Variants in APBA2 observed in about 807,000 individuals in gnomAD.
The protein encoded by APBA2 is amyloid beta precursor protein binding family A member 2.
Under a neutral mutation model 75.0 loss-of-function variants are expected in APBA2, and 30 were observed. The ratio of observed to expected loss-of-function variants is 0.40; its 90% CI spans 0.30 to 0.54. The LOEUF (loss-of-function observed/expected upper bound fraction) is 0.54. APBA2 is among the 20% of genes least tolerant of loss of function. APBA2 has a pLI of 0.49. For missense variants in APBA2, 801 were observed against 1,016.1 expected (o/e 0.79, Z 2.88); for synonymous variants, 444 against 409.6 (o/e 1.08, Z -1.01).
chr15:29,005,864 AAAATAAAT>A (rs3054523), intron 3 of APBA2, among the ~76,000 whole-genome samples: 35,291 of 151,364 alleles, frequency 0.23, 8,063 homozygotes, highest in African/African-American at 0.59. Flanking sequence ...ACTCTGTCTC[AAAATAAAT>A]AAATAAATAA....
At chr15:29,086,887 T>A (rs945693875) in intron 6 of APBA2, among the ~76,000 whole-genome samples, 1 of 152,270 alleles carries the variant, frequency 6.6e-6, no homozygotes, top group Non-Finnish European at 1.5e-5. Context: ...ACAGGATGTA[T>A]GCAAAGAGGT....
At chr15:29,115,294 A>T (rs1038299240) in intron 14 of APBA2, among the ~76,000 whole-genome samples, 8 of 151,820 alleles carry the variant, frequency 5.3e-5, no homozygotes, top group African/African-American at 1.9e-4. Flanking sequence ...TGTTCTTCGG[A>T]TGAGGTCTCC....
intron 8 of APBA2, 95 bp downstream of exon 8, chr15:29,094,408 C>A: frequency 8.2e-7 from 1 of 1,215,332 alleles, no homozygotes; most frequent in Non-Finnish European, 1.2e-6. Context: ...CCCTGGGGAT[C>A]TAAATAATGT....
rs144358193 is a variant in APBA2 at position 29,054,376 on chromosome 15, A to G, written c.492A>G (p.Gln164=). 9 of 1,614,128 alleles carry G rather than the reference A, an allele frequency of 5.6e-6. No individual in the cohort carries two copies. The highest frequency in any genetic ancestry group is 1.3e-5 in the African/African-American group (1 of 75,056). ...GCAGCCAGGACTACCCAGACGGCCA[A>G]CTGCCCATTCCGGAGGATGAGCCCT... is the stretch of plus-strand genomic sequence containing the variant. ...AEGSQDYPDG[Q]LPIPEDEPSV... The change falls in exon 4 of 15, where the codon CAA becomes CAG. Residue 164 remains glutamine, a synonymous_variant. Coordinates refer to ENST00000683413, the MANE Select transcript of APBA2 (RefSeq NM_001353788.2). This position sits in a 1 kb window ranked among gnomAD's most constrained non-coding sequence, Gnocchi z 6.1.
chr15:29,020,963 T>C (rs569582186), intron 3 of APBA2, among the ~76,000 whole-genome samples: 1 of 152,302 alleles, frequency 6.6e-6, no homozygotes, highest in Non-Finnish European at 1.5e-5. Context: ...TCAGACAATA[T>C]ATAAGCGTTC....
chr15:28,968,479 C>T (rs1025753075), intron 2 of APBA2, among the ~76,000 whole-genome samples: 6 of 152,180 alleles, frequency 3.9e-5, no homozygotes, highest in Non-Finnish European at 5.9e-5. Context: ...TGAAGTTCAG[C>T]GTGTCCCTTT....
intron 2 of APBA2, among the ~76,000 whole-genome samples, chr15:28,944,293 A>T (rs2152710014): frequency 6.6e-6 from 1 of 152,218 alleles, no homozygotes; most frequent in South Asian, 2.1e-4. Flanking sequence ...ATCACCTGCC[A>T]ACCTGCCTCT....
At chr15:29,030,423 C>A (rs56340590) in intron 3 of APBA2, among the ~76,000 whole-genome samples, 20,111 of 151,908 alleles carry the variant, frequency 0.13, 3,124 homozygotes, top group African/African-American at 0.37. Context: ...GATGGCCCCA[C>A]TGCACTCTAG....
At chr15:28,892,639 ATG>A (rs772983227) in intron 1 of APBA2, among the ~76,000 whole-genome samples, 4,835 of 149,666 alleles carry the variant, frequency 0.032, 110 homozygotes, top group Admixed American at 0.054. Flanking sequence ...CTGTGTGTAT[ATG>A]TGTGTGTGTG....
chr15:29,010,153 C>G (rs1211600517), intron 3 of APBA2, among the ~76,000 whole-genome samples: 1 of 152,184 alleles, frequency 6.6e-6, no homozygotes, highest in African/African-American at 2.4e-5. Context: ...TGTTGAATAT[C>G]TCTTTCGAAT....
Position 29,117,214 on chromosome 15 carries a change from T to C in APBA2, c.*81T>C, listed in dbSNP as rs2152990580. ...AGGAGCTGGGAGCCGGGCCGCAGAC[T>C]TGACCCCGACGCCACAGCCCAGCCA... On this transcript the variant is annotated 3_prime_UTR_variant, in exon 15 of 15. Coordinates refer to ENST00000683413, the MANE Select transcript of APBA2 (RefSeq NM_001353788.2). 2.9e-6 allele frequency: 4 copies of C among 1,371,018 alleles called. No individual in the cohort carries two copies. In the South Asian group the frequency reaches 3.5e-5, roughly 12 times the overall value. The allele number at this position is 1,371,018 out of a possible 1,614,324, so 84.9% of individuals were successfully genotyped here.
intron 1 of APBA2, among the ~76,000 whole-genome samples, chr15:28,901,945 T>TGTGTGTG (rs546149569): frequency 3.5e-3 from 485 of 140,476 alleles, no homozygotes; most frequent in South Asian, 5.3e-3. Flanking sequence ...TGTGTGTATG[T>TGTGTGTG]TGGGGGTCTG....
intron 6 of APBA2, among the ~76,000 whole-genome samples, chr15:29,079,361 T>A (rs1391461873): frequency 6.6e-6 from 1 of 152,180 alleles, no homozygotes; most frequent in East Asian, 1.9e-4. Context: ...CTGGCGTCTG[T>A]CTTGTTCCCT....
intron 2 of APBA2, among the ~76,000 whole-genome samples, chr15:28,942,545 C>T (rs771833299): frequency 2.6e-5 from 4 of 152,166 alleles, no homozygotes; most frequent in Admixed American, 1.3e-4. Context: ...GGGAGGAACT[C>T]GGTGTGGTTT....
At chr15:29,005,259 GC>G (rs1385118886) in intron 3 of APBA2, among the ~76,000 whole-genome samples, 1 of 152,006 alleles carries the variant, frequency 6.6e-6, no homozygotes, top group East Asian at 1.9e-4. Flanking sequence ...GGAATAATGT[GC>G]CTTTTTTTTT....
chr15:28,925,429 G>T (rs9788690), intron 2 of APBA2, among the ~76,000 whole-genome samples: 4 of 152,132 alleles, frequency 2.6e-5, no homozygotes, highest in Non-Finnish European at 5.9e-5. Flanking sequence ...GGAATAGGTT[G>T]TAAAGAATTG....
At chr15:29,009,578 C>T (rs1318927114) in intron 3 of APBA2, among the ~76,000 whole-genome samples, 2 of 152,188 alleles carry the variant, frequency 1.3e-5, no homozygotes, top group African/African-American at 4.8e-5. Flanking sequence ...TAACCCACCC[C>T]CGACCACTAC....
chr15:29,075,889 C>T (rs2042827107), intron 5 of APBA2, among the ~76,000 whole-genome samples, 166 bp from the exon 6 acceptor site: 1 of 152,178 alleles, frequency 6.6e-6, no homozygotes, highest in South Asian at 2.1e-4. Flanking sequence ...ATGTTGCCTG[C>T]AGCAGACTGG....
intron 2 of APBA2, among the ~76,000 whole-genome samples, chr15:28,923,170 T>C (rs944672214): frequency 6.6e-6 from 1 of 152,170 alleles, no homozygotes; most frequent in Non-Finnish European, 1.5e-5. Flanking sequence ...TCAAAGAGTT[T>C]TATAAGTTTT....
Sources: allele counts gnomAD v4.1 joint callset (sites outside exome capture counted in the v4.1 genomes callset), GRCh38; gene constraint gnomAD v4.1.1; non-coding constraint Gnocchi (gnomAD v3.1); transcripts MANE v1.5; gene names NCBI Gene and HGNC (gene_info 2026-07-23, HGNC 2026-07-21).